Variants in PKIB observed in about 807,000 individuals in gnomAD.
PKIB encodes PKI-beta.
In PKIB, 2 loss-of-function variants were observed where a neutral mutation model predicts 4.5. That is an observed-to-expected ratio of 0.44 (90% CI 0.18 to 1.39). The LOEUF (loss-of-function observed/expected upper bound fraction) is 1.39, where lower values mean the gene tolerates loss of function less well. PKIB is among the 40% of genes most tolerant of loss of function. The pLI is 0.27. For missense variants in PKIB, 94 were observed against 92.6 expected (o/e 1.02, Z -0.06); for synonymous variants, 38 against 36.0 (o/e 1.06, Z -0.20).
intron 3 of PKIB, among the ~76,000 whole-genome samples, chr6:122,594,279 C>T (rs1774104389): frequency 6.6e-6 from 1 of 151,422 alleles, no homozygotes; most frequent in African/African-American, 2.4e-5. Context: ...GCGATCTCTG[C>T]TCACTGCAAC....
intron 2 of PKIB, among the ~76,000 whole-genome samples, chr6:122,540,974 G>A (rs1777577507): frequency 6.6e-6 from 1 of 151,190 alleles, no homozygotes; most frequent in Admixed American, 6.6e-5. Flanking sequence ...TTGGTTTAAA[G>A]TCTGTTTTAT....
chr6:122,545,503 T>A (rs1772466837), intron 2 of PKIB, among the ~76,000 whole-genome samples: 1 of 151,622 alleles, frequency 6.6e-6, no homozygotes, highest in Non-Finnish European at 1.5e-5. Context: ...GTAAATTGCG[T>A]GATGCAGGGG....
chr6:122,627,138 G>GA (rs971181924), intron 1 of PKIB, among the ~76,000 whole-genome samples: 1 of 150,938 alleles, frequency 6.6e-6, no homozygotes, highest in African/African-American at 2.4e-5. Context: ...AGCTACTCAG[G>GA]AGACTGAGGC....
intron 3 of PKIB, among the ~76,000 whole-genome samples, chr6:122,704,924 G>T (rs1778995091): frequency 6.6e-6 from 1 of 152,088 alleles, no homozygotes; most frequent in Admixed American, 6.6e-5. Flanking sequence ...CAAGTGTGAT[G>T]CTGCCCACCT....
chr6:122,583,475 A>T (rs1235546669), intron 2 of PKIB, among the ~76,000 whole-genome samples: 2 of 152,046 alleles, frequency 1.3e-5, no homozygotes, highest in African/African-American at 2.4e-5. Flanking sequence ...ATTATTCACA[A>T]ATGACTTTCT....
intron 2 of PKIB, among the ~76,000 whole-genome samples, chr6:122,638,624 C>T (rs1776017265): frequency 6.6e-6 from 1 of 152,222 alleles, no homozygotes; most frequent in Non-Finnish European, 1.5e-5. Flanking sequence ...AGCCATTCAT[C>T]TCTTGCCTTC....
chr6:122,666,152 C>T (rs1332464249), intron 2 of PKIB, among the ~76,000 whole-genome samples: 1 of 152,122 alleles, frequency 6.6e-6, no homozygotes, highest in Non-Finnish European at 1.5e-5. Flanking sequence ...TAGTCTTTTC[C>T]AGCCTTAGCC....
chr6:122,702,502 T>C (rs1778867126), intron 3 of PKIB, among the ~76,000 whole-genome samples: 1 of 151,898 alleles, frequency 6.6e-6, no homozygotes, highest in Non-Finnish European at 1.5e-5. Context: ...CTAATTCTTA[T>C]ATTTTTAGTA....
At chr6:122,500,856 A>G (rs988305493) in intron 2 of PKIB, among the ~76,000 whole-genome samples, 1 of 152,180 alleles carries the variant, frequency 6.6e-6, no homozygotes, top group Non-Finnish European at 1.5e-5. Context: ...GTGAAGGGGA[A>G]GCAGGCACAG....
intron 2 of PKIB, among the ~76,000 whole-genome samples, chr6:122,511,615 A>G (rs1332881116): frequency 6.6e-6 from 1 of 152,166 alleles, no homozygotes; most frequent in Non-Finnish European, 1.5e-5. Flanking sequence ...AGACGGGTCA[A>G]GAGTTCTTTA....
chr6:122,690,946 T>TA (rs1242355856), intron 3 of PKIB, among the ~76,000 whole-genome samples: 1 of 139,216 alleles, frequency 7.2e-6, no homozygotes, highest in East Asian at 2.1e-4. Flanking sequence ...TTTTTTTTTT[T>TA]TGCCAAATAT....
chr6:122,550,039 C>T (rs1009031506), intron 2 of PKIB, among the ~76,000 whole-genome samples: 1 of 151,686 alleles, frequency 6.6e-6, no homozygotes, highest in Non-Finnish European at 1.5e-5. Flanking sequence ...CTCAGCCTCC[C>T]GAGAAGCTGG....
chr6:122,666,565 A>G (rs1777227032), intron 2 of PKIB, among the ~76,000 whole-genome samples: 1 of 152,200 alleles, frequency 6.6e-6, no homozygotes, highest in Non-Finnish European at 1.5e-5. Flanking sequence ...CACATCTCTT[A>G]GTAGTCTTGA....
intron 2 of PKIB, among the ~76,000 whole-genome samples, chr6:122,665,080 G>T (rs534436935): frequency 9.4e-4 from 143 of 152,194 alleles, no homozygotes; most frequent in Non-Finnish European, 9.4e-4. Context: ...GAAAGATCAT[G>T]AATTAGTAAA....
intron 2 of PKIB, among the ~76,000 whole-genome samples, chr6:122,549,742 G>A (rs771447597): frequency 2.0e-5 from 3 of 150,936 alleles, no homozygotes; most frequent in Non-Finnish European, 4.4e-5. Context: ...CACTTTTCCA[G>A]TTCTCTTCGC....
At chr6:122,528,974 C>G (rs1167925178) in intron 2 of PKIB, among the ~76,000 whole-genome samples, 2 of 152,186 alleles carry the variant, frequency 1.3e-5, no homozygotes, top group African/African-American at 4.8e-5. Flanking sequence ...TAACTACTGT[C>G]ACATTTGGGA....
At chr6:122,496,505 C>G (rs901383467) in intron 2 of PKIB, among the ~76,000 whole-genome samples, 2 of 152,048 alleles carry the variant, frequency 1.3e-5, no homozygotes, top group Non-Finnish European at 2.9e-5. Context: ...ATCCAGGAAA[C>G]TAAGGAAAAG....
chr6:122,598,414 T>A (rs2114735992), intron 3 of PKIB, among the ~76,000 whole-genome samples: 1 of 152,304 alleles, frequency 6.6e-6, no homozygotes, highest in Non-Finnish European at 1.5e-5. Flanking sequence ...CCACCTTGCC[T>A]TTCACAGTTG....
chr6:122,511,716 G>A (rs1408805069), intron 2 of PKIB, among the ~76,000 whole-genome samples: 2 of 152,206 alleles, frequency 1.3e-5, no homozygotes, highest in Admixed American at 6.5e-5. Context: ...CAATCACTTA[G>A]ATCTAAGAAG....
Sources: gnomAD v4.1 joint callset for allele counts (sites outside exome capture counted in the v4.1 genomes callset) on GRCh38, gnomAD v4.1.1 for gene constraint, MANE v1.5 for transcripts, NCBI Gene and HGNC (gene_info 2026-07-23, HGNC 2026-07-21) for gene names.